ZNF57: variants seen among roughly 807,000 people sequenced by gnomAD.
ZNF57 encodes zinc finger protein 57.
A neutral mutation model predicts 13.4 loss-of-function variants in ZNF57; 11 were observed. That is an observed-to-expected ratio of 0.82 (90% CI 0.52 to 1.36). The LOEUF is 1.36. Among genes scored for constraint, ZNF57 ranks in the 40% most tolerant of loss-of-function variants. The pLI is 0.00. For synonymous variants in ZNF57, 224 were observed against 238.5 expected, an observed-to-expected ratio of 0.94 and a Z score of 0.56; for missense variants, 696 against 667.5, an observed-to-expected ratio of 1.04 and a Z score of -0.47.
chr19:2,918,304 A>C lies in ZNF57; in HGVS notation c.*15A>C. On this transcript the variant is annotated 3_prime_UTR_variant, in exon 4 of 4. Coordinates refer to ENST00000306908, the MANE Select transcript of ZNF57 (RefSeq NM_173480.3). Reference sequence around the variant, plus strand: ...GCACACACTAAAGAGAAATTCTATAACTTTAATGGGGTAACCTCACATTAA... The same window carrying C: ...GCACACACTAAAGAGAAATTCTATACCTTTAATGGGGTAACCTCACATTAA... The C allele has an allele frequency of 1.3e-6, 2 of 1,567,868 alleles. No homozygotes were observed. The highest frequency in any genetic ancestry group is 1.7e-6 in the Non-Finnish European group (2 of 1,158,056).
At position 2,917,211 on chromosome 19, in the gene ZNF57, A is replaced by G. The variant is rs1371551822; in HGVS notation, c.590A>G (p.Lys197Arg). ...GRTDTEEKPYKCQACGQTFQH... is the reference protein window; with the variant it reads ...GRTDTEEKPYRCQACGQTFQH... ...ACTGACACTGAGGAGAAGCCGTATA[A>G]GTGTCAAGCATGTGGGCAAACTTTC... Residue 197 changes from lysine to arginine, a missense_variant, in exon 4 of 4, where the codon AAG (lysine) becomes AGG (arginine). Lys to Arg is a conservative substitution (Grantham distance 26). This residue lies in a region of ZNF57 where 645 missense variants were observed against 591.5 expected (regional missense o/e 1.09). Coordinates refer to ENST00000306908, the MANE Select transcript of ZNF57 (RefSeq NM_173480.3). 7 of 1,614,102 alleles carry G rather than the reference A, an allele frequency of 4.3e-6. No individual in the cohort carries two copies. The highest frequency in any genetic ancestry group is 5.9e-6 in the Non-Finnish European group (7 of 1,180,052).
intron 1 of ZNF57, among the ~76,000 whole-genome samples, chr19:2,914,453 C>T (rs1341975976): frequency 2.0e-5 from 3 of 152,132 alleles, no homozygotes; most frequent in Non-Finnish European, 2.9e-5. Context: ...GGGGGTTTCT[C>T]CATGTTGGTC....
intron 1 of ZNF57, among the ~76,000 whole-genome samples, 172 bp downstream of exon 1, chr19:2,901,220 G>T (rs1384224595): frequency 2.0e-5 from 3 of 149,744 alleles, no homozygotes; most frequent in Non-Finnish European, 4.4e-5. Flanking sequence ...GGAGGACTGG[G>T]GGCAGTTTGG....
intron 1 of ZNF57, 51 bp from the exon 2 acceptor site, chr19:2,915,471 A>C (rs780641730): frequency 4.7e-5 from 75 of 1,593,228 alleles, no homozygotes; most frequent in Non-Finnish European, 6.3e-5. Context: ...CCAGTTCCCC[A>C]GTACTTTCAG....
rs1025238714 is a variant in ZNF57, at chr19:2,915,559, C to T, written c.41C>T (p.Thr14Ile). 5.6e-6 allele frequency: 9 copies of T among 1,614,052 alleles called. No homozygotes were observed. Among genetic ancestry groups the T allele is most frequent in the Non-Finnish European group, 7.6e-6 (9 of 1,179,930 alleles). Residue 14 changes from threonine to isoleucine, a missense_variant, in exon 2 of 4, where the codon ACC becomes ATC. Physicochemically the swap from Thr to Ile is moderately conservative, Grantham distance 89. Transcript: ENST00000306908. Reference sequence around the variant, plus strand: ...TTTGAGGATGTGGCTGTGGACTTCACCCTGGAGGAGTGGGCTTTGCTGGAT... The same window carrying T: ...TTTGAGGATGTGGCTGTGGACTTCATCCTGGAGGAGTGGGCTTTGCTGGAT... Reference protein sequence around the residue: ...VVFEDVAVDFTLEEWALLDSA... With the variant: ...VVFEDVAVDFILEEWALLDSA...
At chr19:2,912,770 C>T (rs980231118) in intron 1 of ZNF57, among the ~76,000 whole-genome samples, 1 of 152,180 alleles carries the variant, frequency 6.6e-6, no homozygotes, top group Non-Finnish European at 1.5e-5. Flanking sequence ...TTCCCACCAG[C>T]AATGTGTGAA....
In ZNF57 at chr19:2,900,955, A is replaced by T; in HGVS notation, c.-91A>T. 1 of 1,514,954 alleles carries T rather than the reference A, an allele frequency of 6.6e-7. No individual in the cohort carries two copies. The highest frequency in any genetic ancestry group is 1.4e-5 in the African/African-American group (1 of 71,240). 93.8% of individuals were successfully genotyped at this position (1,514,954 alleles called of 1,614,324 possible). A position where few individuals can be genotyped will look rare whatever the true frequency, so the allele number is the denominator to read the frequency against. On this transcript the variant is annotated 5_prime_UTR_variant, in exon 1 of 4. Transcript: ENST00000306908. ...CCCTGCCGCGCGTGCCCTGCCTACC[A>T]CGAGCGGCCCGGGAGTACCTGTACC... is the stretch of plus-strand genomic sequence containing the variant.
Position 2,901,049 on chromosome 19 carries a change from G to C in ZNF57, c.3+1G>C. 1.3e-6 allele frequency: 2 copies of C among 1,560,742 alleles called. No individual in the cohort carries two copies. Among genetic ancestry groups the C allele is most frequent in the South Asian group, 2.4e-5 (2 of 84,866 alleles). ...AGAGCCCAGGAGCAGGGGAGACATG[G>C]TGAGTGCGAGGCAGGAGCAGAGCCA... On this transcript the variant is annotated splice_donor_variant, in intron 1 of 3. Coordinates refer to ENST00000306908, the MANE Select transcript of ZNF57 (RefSeq NM_173480.3). LOFTEE classifies it high-confidence loss of function.
intron 1 of ZNF57, among the ~76,000 whole-genome samples, chr19:2,902,806 TAA>T (rs1032389062): frequency 2.0e-5 from 3 of 152,234 alleles, no homozygotes; most frequent in African/African-American, 7.2e-5. Flanking sequence ...TCTGGCCATG[TAA>T]AGTCATAAAG....
chr19:2,900,947 T>G lies in ZNF57; in HGVS notation c.-99T>G, dbSNP rs1268646642. 2.0e-6 allele frequency: 3 copies of G among 1,485,338 alleles called. No homozygotes were observed. The highest frequency in any genetic ancestry group is 2.7e-6 in the Non-Finnish European group (3 of 1,097,690). 92.0% of individuals were successfully genotyped at this position (1,485,338 alleles called of 1,614,324 possible). On this transcript the variant is annotated 5_prime_UTR_variant, in exon 1 of 4. Coordinates refer to ENST00000306908, the MANE Select transcript of ZNF57 (RefSeq NM_173480.3). The stretch of plus-strand genomic sequence containing the variant: ...TTCGTCCTCCCTGCCGCGCGTGCCC[T>G]GCCTACCACGAGCGGCCCGGGAGTA...
At chr19:2,916,416 GAAGT>G (rs1183006484) in intron 3 of ZNF57, 167 bp downstream of exon 3, 3 of 668,076 alleles carry the variant, frequency 4.5e-6, no homozygotes, top group Non-Finnish European at 7.1e-6. Context: ...ATAATTGTTA[GAAGT>G]AATTACAGGG....
At chr19:2,911,066 T>TA (rs1047174191) in intron 1 of ZNF57, among the ~76,000 whole-genome samples, 76 of 62,340 alleles carry the variant, frequency 1.2e-3, no homozygotes, top group African/African-American at 3.8e-3. Context: ...GCCCTAGAGA[T>TA]ATTTATTTAT....
intron 1 of ZNF57, among the ~76,000 whole-genome samples, chr19:2,909,076 T>C (rs568709929): frequency 1.3e-5 from 2 of 152,246 alleles, no homozygotes; most frequent in South Asian, 2.1e-4. Flanking sequence ...GTGTGGGCTG[T>C]ACCACATTTT....
chr19:2,902,070 A>G (rs891574785), intron 1 of ZNF57, among the ~76,000 whole-genome samples: 11 of 150,914 alleles, frequency 7.3e-5, no homozygotes, highest in Admixed American at 5.3e-4. Context: ...CGTACAAAGT[A>G]CATTCACAAG....
Position 2,917,642 on chromosome 19 carries a change from T to G in ZNF57, c.1021T>G (p.Cys341Gly). The G allele has an allele frequency of 6.2e-7, 1 of 1,613,764 alleles. No individual in the cohort carries two copies. ...TGDKLYKCEH[C>G]GKAFTSSRSF... ...GGACAAACTCTATAAATGTGAACAC[T>G]GTGGGAAGGCTTTTACCTCTTCCAG... is the stretch of plus-strand genomic sequence containing the variant. Residue 341 changes from cysteine to glycine, a missense_variant, in exon 4 of 4, where the codon TGT (cysteine) becomes GGT (glycine). Cys to Gly is a radical substitution (Grantham distance 159, BLOSUM62 -3). Transcript: ENST00000306908.
intron 1 of ZNF57, among the ~76,000 whole-genome samples, chr19:2,909,105 T>G (rs1269078068): frequency 6.6e-6 from 1 of 152,018 alleles, no homozygotes; most frequent in Non-Finnish European, 1.5e-5. Context: ...GTTGATCAAC[T>G]TTGAGTTGTT....
At chr19:2,902,292 C>A (rs1052608454) in intron 1 of ZNF57, among the ~76,000 whole-genome samples, 1 of 152,090 alleles carries the variant, frequency 6.6e-6, no homozygotes, top group Non-Finnish European at 1.5e-5. Flanking sequence ...AAGCTTTATT[C>A]GGGCAGCCGG....
intron 1 of ZNF57, among the ~76,000 whole-genome samples, chr19:2,901,373 AG>A (rs1242049559): frequency 2.6e-5 from 4 of 151,328 alleles, no homozygotes; most frequent in African/African-American, 9.7e-5. Context: ...GACGGTCAGC[AG>A]GTTGGGGATG....
At position 2,900,944 on chromosome 19, in the gene ZNF57, C is replaced by G; in HGVS notation, c.-102C>G. On this transcript the variant is annotated 5_prime_UTR_variant, in exon 1 of 4. Transcript: ENST00000306908. ...CGTTTCGTCCTCCCTGCCGCGCGTG[C>G]CCTGCCTACCACGAGCGGCCCGGGA... is the stretch of plus-strand genomic sequence containing the variant. 1.4e-6 allele frequency: 2 copies of G among 1,464,766 alleles called. No homozygotes were observed. The highest frequency in any genetic ancestry group is 5.2e-5 in the East Asian group (2 of 38,472). 90.7% of individuals were successfully genotyped at this position (1,464,766 alleles called of 1,614,324 possible).
Sources: allele counts gnomAD v4.1 joint callset (sites outside exome capture counted in the v4.1 genomes callset), GRCh38; gene constraint gnomAD v4.1.1; regional missense constraint gnomAD v4.1.1; transcripts MANE v1.5; gene names NCBI Gene and HGNC (gene_info 2026-07-23, HGNC 2026-07-21).